Variants in RHBDD1 observed in about 807,000 individuals in gnomAD.
RHBDD1 encodes the protein rhomboid-related protein 4.
Under a neutral mutation model 36.3 loss-of-function variants are expected in RHBDD1, and 38 were observed. That is an observed-to-expected ratio of 1.05 (90% confidence interval 0.81 to 1.37). The LOEUF is 1.37. Ranked by LOEUF, RHBDD1 falls within the 40% of genes most tolerant of loss-of-function variation. The pLI, the probability that RHBDD1 is intolerant of heterozygous loss-of-function variation, is 0.00. For synonymous variants in RHBDD1, 151 were observed against 136.5 expected (o/e 1.11, Z -0.74); for missense variants, 393 against 377.6 (o/e 1.04, Z -0.34).
intron 8 of RHBDD1, among the ~76,000 whole-genome samples, chr2:226,977,971 C>CT (rs1029261475): frequency 6.6e-6 from 1 of 152,212 alleles, no homozygotes; most frequent in Non-Finnish European, 1.5e-5. Context: ...TTTATGCATT[C>CT]TTTTCTCTAT....
the RHBDD1 span, among the ~76,000 whole-genome samples, chr2:226,803,818 G>T: frequency 3.3e-5 from 5 of 152,174 alleles, no homozygotes; most frequent in African/African-American, 1.2e-4. Context: ...TTAAAAGAGA[G>T]CTGAAAAGTC....
At chr2:226,988,722 A>G (rs1957544353) in intron 8 of RHBDD1, 2 of 930,728 alleles carry the variant, frequency 2.1e-6, no homozygotes, top group African/African-American at 3.6e-5. Context: ...ATACATAGAT[A>G]TAGATATATT....
At chr2:226,927,163 T>C (rs1949717325) in intron 8 of RHBDD1, among the ~76,000 whole-genome samples, 1 of 152,190 alleles carries the variant, frequency 6.6e-6, no homozygotes, top group South Asian at 2.1e-4. Flanking sequence ...TCCTTAACTT[T>C]GCTTTTTCCA....
intron 5 of RHBDD1, among the ~76,000 whole-genome samples, chr2:226,892,151 G>T (rs942582168): frequency 2.6e-5 from 4 of 152,188 alleles, no homozygotes; most frequent in African/African-American, 9.7e-5. Flanking sequence ...GCAGATTTTA[G>T]AACTTTCTAG....
At chr2:226,887,018 C>A (rs750253446) in intron 5 of RHBDD1, among the ~76,000 whole-genome samples, 1 of 151,916 alleles carries the variant, frequency 6.6e-6, no homozygotes. Flanking sequence ...AAGCCTGTGG[C>A]AGGTTTAATT....
chr2:226,941,684 TA>T (rs1409033248), intron 8 of RHBDD1, among the ~76,000 whole-genome samples: 3 of 152,280 alleles, frequency 2.0e-5, no homozygotes, highest in Middle Eastern at 3.4e-3. Context: ...AAGTAATATT[TA>T]TACACTATGG....
intron 8 of RHBDD1, among the ~76,000 whole-genome samples, chr2:226,961,608 G>A (rs776506642): frequency 6.6e-6 from 1 of 151,950 alleles, no homozygotes; most frequent in Non-Finnish European, 1.5e-5. Flanking sequence ...GAGAGGAAAC[G>A]GAATGAGTGA....
intron 3 of RHBDD1, among the ~76,000 whole-genome samples, chr2:226,858,482 C>T (rs921027209): frequency 2.0e-5 from 3 of 152,052 alleles, no homozygotes; most frequent in African/African-American, 7.2e-5. Context: ...TAGCAGACAC[C>T]AAATTGGGAA....
chr2:226,843,001 G>C (rs73083678), intron 3 of RHBDD1, among the ~76,000 whole-genome samples: 4 of 151,896 alleles, frequency 2.6e-5, no homozygotes, highest in African/African-American at 9.7e-5. Flanking sequence ...CCTTGTTGGC[G>C]GTATTCCTAG....
chr2:226,966,408 A>G (rs1353112638), intron 8 of RHBDD1, among the ~76,000 whole-genome samples: 4 of 152,220 alleles, frequency 2.6e-5, no homozygotes, highest in Admixed American at 2.6e-4. Flanking sequence ...CAGTAGAAGT[A>G]TCTGCAGTAA....
chr2:226,883,915 C>T (rs376726001), intron 5 of RHBDD1, among the ~76,000 whole-genome samples: 7 of 152,002 alleles, frequency 4.6e-5, no homozygotes, highest in Admixed American at 6.6e-5. Context: ...TATTTTGACT[C>T]GATTTTTTTT....
chr2:226,902,725 T>C (rs1254445174), intron 5 of RHBDD1, among the ~76,000 whole-genome samples: 1 of 152,200 alleles, frequency 6.6e-6, no homozygotes, highest in African/African-American at 2.4e-5. Context: ...AGTTAAATTT[T>C]TGAGATGGAA....
the RHBDD1 span, among the ~76,000 whole-genome samples, chr2:226,809,486 A>C: frequency 6.6e-6 from 1 of 152,358 alleles, no homozygotes; most frequent in Admixed American, 6.5e-5. Flanking sequence ...AACATATTTT[A>C]TATTTCCTAA....
chr2:226,835,386 A>G (rs1241528372), upstream of RHBDD1, among the ~76,000 whole-genome samples: 3 of 152,246 alleles, frequency 2.0e-5, no homozygotes, highest in Non-Finnish European at 4.4e-5. Context: ...TAAAGCCCTC[A>G]AAATGGGCAA....
At chr2:226,938,914 C>T (rs1322507826) in intron 8 of RHBDD1, among the ~76,000 whole-genome samples, 1 of 152,118 alleles carries the variant, frequency 6.6e-6, no homozygotes, top group African/African-American at 2.4e-5. Flanking sequence ...AGCAGCACAT[C>T]AAAAAGCTTA....
At chr2:226,874,409 G>A (rs776024202) in intron 5 of RHBDD1, among the ~76,000 whole-genome samples, 32 of 152,088 alleles carry the variant, frequency 2.1e-4, no homozygotes, top group Non-Finnish European at 3.7e-4. Context: ...CACAAACCTG[G>A]GGGCTTACAA....
chr2:226,918,533 T>C (rs1288738223), intron 8 of RHBDD1, among the ~76,000 whole-genome samples: 1 of 152,072 alleles, frequency 6.6e-6, no homozygotes, highest in Admixed American at 6.5e-5. Context: ...TTTTAATTTA[T>C]AGCTCCCACA....
chr2:226,826,474 T>G, the RHBDD1 span, among the ~76,000 whole-genome samples: 3 of 152,138 alleles, frequency 2.0e-5, no homozygotes, highest in Non-Finnish European at 4.4e-5. Context: ...GGTAACAACT[T>G]ATTACTGACA....
At chr2:226,863,336 C>G (rs1944028375) in intron 3 of RHBDD1, among the ~76,000 whole-genome samples, 1 of 152,210 alleles carries the variant, frequency 6.6e-6, no homozygotes, top group East Asian at 1.9e-4. Context: ...GAGATTCTGG[C>G]TCTAAATAAA....
Sources: allele counts gnomAD v4.1 joint callset (sites outside exome capture counted in the v4.1 genomes callset), GRCh38; gene constraint gnomAD v4.1.1; transcripts MANE v1.5; gene names NCBI Gene and HGNC (gene_info 2026-07-23, HGNC 2026-07-21).